The following HBG1 variants were observed in gnomAD, a reference collection of about 807,000 sequenced individuals.
HBG1 encodes the protein hemoglobin subunit gamma-1.
Under a neutral mutation model 5.9 loss-of-function variants are expected in HBG1, and 1 was observed. That is an observed-to-expected ratio of 0.17 (90% CI 0.06 to 0.81). HBG1 has a LOEUF of 0.81. Among genes scored for constraint, HBG1 ranks in the 30% least tolerant of loss-of-function variants. The probability of loss-of-function intolerance (pLI) is 0.73; values close to 1 mark genes in which losing one functional copy is unlikely to be tolerated. For missense variants in HBG1, 57 were observed against 122.0 expected (o/e 0.47, Z 2.51); for synonymous variants, 19 against 50.5 (o/e 0.38, Z 2.64).
chr11:5,248,826 G>A (rs112655383), intron 2 of HBG1, among the ~76,000 whole-genome samples: 1 of 150,404 alleles, frequency 6.6e-6, no homozygotes, highest in African/African-American at 2.5e-5. Context: ...ATCTACTCCA[G>A]CCCAAATGTT....
Position 5,249,225 on chromosome 11 carries a change from C to T in HBG1, c.315+143G>A, listed in dbSNP as rs1188286821. On this transcript the variant is annotated intron_variant, in intron 2 of 2. Transcript: ENST00000330597. ...CTAAAACATTACCACTGGGTCTCAG[C>T]CCAGTTAGTCCTCTGCAGTTTCTTC... 4 of 764,708 alleles carry T rather than the reference C, an allele frequency of 5.2e-6. No individual in the cohort carries two copies. In the African/African-American group the frequency reaches 5.9e-5, roughly 11 times the overall value. The allele number at this position is 764,708 out of a possible 1,614,324, so 47.4% of individuals were successfully genotyped here.
rs748620287 is a variant in HBG1 at position 5,248,423 on chromosome 11, A to G, written c.380T>C (p.Val127Ala). ...CACCATCTTCTGCCAGGAAGCCTGC[A>G]CCTCAGGGGTGAATTCTTTGCCGAA... ...IHFGKEFTPEVQASWQKMVTA... is the reference protein window; with the variant it reads ...IHFGKEFTPEAQASWQKMVTA... Residue 127 changes from valine to alanine, a missense_variant, in exon 3 of 3, where the codon GTG becomes GCG. Physicochemically the swap from Val to Ala is moderately conservative, Grantham distance 64. Coordinates refer to ENST00000330597, the MANE Select transcript of HBG1 (RefSeq NM_000559.3). 3.1e-6 allele frequency: 5 copies of G among 1,614,024 alleles called. No homozygotes were observed. The highest frequency in any genetic ancestry group is 2.2e-5 in the East Asian group (1 of 44,868).
intron 2 of HBG1, among the ~76,000 whole-genome samples, chr11:5,248,789 C>A (rs112250104): frequency 0.034 from 4,938 of 144,414 alleles, 328 homozygotes; most frequent in African/African-American, 0.11. Context: ...CGCACACACA[C>A]ACACACACAC....
chr11:5,248,758 ACACACACACACACGCGCGCGCG>A (rs1433570375), intron 2 of HBG1, among the ~76,000 whole-genome samples: 14 of 121,170 alleles, frequency 1.2e-4, no homozygotes, highest in Non-Finnish European at 1.5e-4. Context: ...ACACGCTGAC[ACACACACACACACGCGCGCGCG>A]CACACACACA....
In HBG1 at chr11:5,249,071, A is replaced by C. The variant is rs1847917265; in HGVS notation, c.315+297T>G. Among the ~76,000 whole-genome samples, 2 of 116,912 alleles carry C rather than the reference A, an allele frequency of 1.7e-5. 1 individual carries two copies. The highest frequency in any genetic ancestry group is 3.8e-5 in the Non-Finnish European group (2 of 52,172). 76.7% of individuals were successfully genotyped at this position (116,912 alleles called of 152,430 possible). A position where few individuals can be genotyped will look rare whatever the true frequency, so the allele number is the denominator to read the frequency against. On this transcript the variant is annotated intron_variant, in intron 2 of 2. Transcript: ENST00000330597. ...CTCCAGATAGATGTTTTAAAACAACAAAAATGAGGGAAAGATGAAAGTTCT... is the reference window on the plus strand; with the variant it reads ...CTCCAGATAGATGTTTTAAAACAACCAAAATGAGGGAAAGATGAAAGTTCT...
Position 5,248,275 on chromosome 11 carries a change from A to T in HBG1, c.*84T>A. 3.2e-6 allele frequency: 5 copies of T among 1,561,444 alleles called. No homozygotes were observed. Among genetic ancestry groups the T allele is most frequent in the Non-Finnish European group, 2.6e-6 (3 of 1,134,050 alleles). ...AAAGAGCTGAAGAAAATCATGTGTG[A>T]TCTCTCAGCAGAATAGATTTATTAT... On this transcript the variant is annotated 3_prime_UTR_variant, in exon 3 of 3. Coordinates refer to ENST00000330597, the MANE Select transcript of HBG1 (RefSeq NM_000559.3).
rs33924825 is a variant in HBG1 at position 5,249,786 on chromosome 11, C to G, written c.19G>C (p.Glu7Gln). The G allele has an allele frequency of 3.0e-6, 1 of 331,904 alleles. No individual in the cohort carries two copies. The highest frequency in any genetic ancestry group is 5.1e-6 in the Non-Finnish European group (1 of 195,420). The allele number at this position is 331,904 out of a possible 1,614,324, so 20.6% of individuals were successfully genotyped here. A position where few individuals can be genotyped will look rare whatever the true frequency, so the allele number is the denominator to read the frequency against. MGHFTE[E>Q]DKATITSLWG... ...AGGCTTGTGATAGTAGCCTTGTCCT[C>G]CTCTGTGAAATGACCCATGGCGTCT... Residue 7 changes from glutamate to glutamine, a missense_variant, in exon 1 of 3, where the codon GAG becomes CAG. By Grantham distance (29) the Glu-to-Gln change is conservative. This residue lies in a region of HBG1 where 14 missense variants were observed against 77.0 expected (regional missense o/e 0.18). Transcript: ENST00000330597.
intron 2 of HBG1, 108 bp from the exon 3 acceptor site, chr11:5,248,595 G>C: frequency 2.4e-5 from 29 of 1,229,920 alleles, no homozygotes; most frequent in Non-Finnish European, 3.2e-5. Context: ...TCAAGCCTAT[G>C]TTAACTTCCC....
chr11:5,248,786 A>G (rs1362374342), intron 2 of HBG1, among the ~76,000 whole-genome samples: 1 of 138,876 alleles, frequency 7.2e-6, no homozygotes, highest in Admixed American at 7.1e-5. Context: ...GCGCGCACAC[A>G]CACACACACA....
chr11:5,248,593 A>C (rs898893090), intron 2 of HBG1, 106 bp from the exon 3 acceptor site: 1 of 1,232,648 alleles, frequency 8.1e-7, no homozygotes, highest in South Asian at 1.2e-5. Flanking sequence ...AATCAAGCCT[A>C]TGTTAACTTC....
Position 5,248,443 on chromosome 11 carries a change from G to A in HBG1, c.360C>T (p.Gly120=). The part of the protein sequence containing the change: ...VLVTVLAIHF[G]KEFTPEVQAS... ...CCTGCACCTCAGGGGTGAATTCTTT[G>A]CCGAAATGGATTGCCAAAACGGTCA... Residue 120 remains glycine, a synonymous_variant, in exon 3 of 3, where the codon GGC becomes GGT. Transcript: ENST00000330597. 2 of 1,613,784 alleles carry A rather than the reference G, an allele frequency of 1.2e-6. No individual in the cohort carries two copies. The highest frequency in any genetic ancestry group is 1.7e-6 in the Non-Finnish European group (2 of 1,179,800).
In HBG1 at chr11:5,248,282, A is replaced by C; in HGVS notation, c.*77T>G. The C allele has an allele frequency of 6.3e-7, 1 of 1,580,518 alleles. No homozygotes were observed. The highest frequency in any genetic ancestry group is 8.7e-7 in the Non-Finnish European group (1 of 1,151,126). On this transcript the variant is annotated 3_prime_UTR_variant, in exon 3 of 3. Transcript: ENST00000330597. ...TGAAGAAAATCATGTGTGATCTCTCAGCAGAATAGATTTATTATTTGTATT... is the reference window on the plus strand; with the variant it reads ...TGAAGAAAATCATGTGTGATCTCTCCGCAGAATAGATTTATTATTTGTATT...
chr11:5,248,949 C>T (rs2133608639), intron 2 of HBG1, among the ~76,000 whole-genome samples: 1 of 148,086 alleles, frequency 6.8e-6, no homozygotes, highest in South Asian at 2.2e-4. Flanking sequence ...ATAGGAATAG[C>T]CTTAGCAATG....
chr11:5,248,523 A>C (rs748530328), intron 2 of HBG1, 36 bp from the exon 3 acceptor site: 17 of 1,594,098 alleles, frequency 1.1e-5, no homozygotes, highest in Non-Finnish European at 1.4e-5. Context: ...AGATGAACCC[A>C]TAGTGAGCTG....
chr11:5,248,544 C>T lies in HBG1; in HGVS notation c.316-57G>A, dbSNP rs542527270. 10,508 of 1,462,552 alleles carry T rather than the reference C, an allele frequency of 7.2e-3. 49 individuals are homozygous for T. Among genetic ancestry groups the T allele is most frequent in the Non-Finnish European group, 9.1e-3 (9,488 of 1,047,176 alleles). The allele number at this position is 1,462,552 out of a possible 1,614,324, so 90.6% of individuals were successfully genotyped here. On this transcript the variant is annotated intron_variant, in intron 2 of 2. Coordinates refer to ENST00000330597, the MANE Select transcript of HBG1 (RefSeq NM_000559.3). ...ACCCATAGTGAGCTGAGAGCTCCAG[C>T]CTGGCCTCCAGATAACTACACACCA...
intron 2 of HBG1, among the ~76,000 whole-genome samples, 181 bp downstream of exon 2, chr11:5,249,187 C>A (rs1333975339): frequency 7.5e-6 from 1 of 133,240 alleles, no homozygotes; most frequent in Non-Finnish European, 1.7e-5. Context: ...TTTTTAGAGG[C>A]ACTCCTTAGG....
At position 5,248,780 on chromosome 11, in the gene HBG1, G is replaced by GCACACA. The variant is rs1292097599; in HGVS notation, c.316-299_316-294dup. On this transcript the variant is annotated intron_variant, in intron 2 of 2. Transcript: ENST00000330597. ...GACACACACACACACACGCGCGCGC[G>GCACACA]CACACACACACACACACACAGAGCT... 4.2e-3 allele frequency among the ~76,000 whole-genome samples: 479 copies of GCACACA among 113,042 alleles called. 7 individuals are homozygous for GCACACA. The highest frequency in any genetic ancestry group is 0.017 in the African/African-American group (462 of 27,964). 74.2% of individuals were successfully genotyped at this position (113,042 alleles called of 152,430 possible).
In HBG1 at chr11:5,248,452, G is replaced by C. The variant is rs1847905795; in HGVS notation, c.351C>G (p.Ile117Met). ...CAGGGGTGAATTCTTTGCCGAAATG[G>C]ATTGCCAAAACGGTCACCAGCACAT... Reference protein sequence around the residue: ...LGNVLVTVLAIHFGKEFTPEV... With the variant: ...LGNVLVTVLAMHFGKEFTPEV... The change falls in exon 3 of 3, where the codon ATC becomes ATG. Residue 117 changes from isoleucine to methionine, a missense_variant. By Grantham distance (10) the Ile-to-Met change is conservative. Coordinates refer to ENST00000330597, the MANE Select transcript of HBG1 (RefSeq NM_000559.3). 1 of 1,613,526 alleles carries C rather than the reference G, an allele frequency of 6.2e-7. No homozygotes were observed. Among genetic ancestry groups the C allele is most frequent in the African/African-American group, 1.3e-5 (1 of 74,808 alleles).
Position 5,248,362 on chromosome 11 carries a change from GT to G in HBG1, c.440del (p.His147ProfsTer28). On this transcript the variant is annotated frameshift_variant, in exon 3 of 3. Transcript: ENST00000330597. LOFTEE classifies it high-confidence loss of function. ...AVASALSSRYH is the reference protein window; with the variant it reads ...AVASALSSRYX ...CTCTGAATCATGGGCAGTGAGCTCA[GT>G]GGTATCTGGAGGACAGGGCACTGGC... 1 of 1,614,106 alleles carries G rather than the reference GT, an allele frequency of 6.2e-7. No individual in the cohort carries two copies. Among genetic ancestry groups the G allele is most frequent in the South Asian group, 1.1e-5 (1 of 91,084 alleles).
Sources: allele counts gnomAD v4.1 joint callset (sites outside exome capture counted in the v4.1 genomes callset), GRCh38; gene constraint gnomAD v4.1.1; regional missense constraint gnomAD v4.1.1; transcripts MANE v1.5; gene names NCBI Gene and HGNC (gene_info 2026-07-23, HGNC 2026-07-21).